PADI3: variants seen among roughly 807,000 people sequenced by gnomAD.
PADI3 encodes protein-arginine deiminase type-3.
Under a neutral mutation model 71.5 loss-of-function variants are expected in PADI3, and 53 were observed. That is an observed-to-expected ratio of 0.74 (90% CI 0.59 to 0.93). The LOEUF is 0.93. Ranked by LOEUF, PADI3 falls within the 40% of genes least tolerant of loss-of-function variation. The probability of loss-of-function intolerance (pLI) is 0.00; values close to 1 mark genes in which losing one functional copy is unlikely to be tolerated. For synonymous variants in PADI3, 361 were observed against 347.5 expected, an observed-to-expected ratio of 1.04 and a Z score of -0.43; for missense variants, 821 against 868.0, an observed-to-expected ratio of 0.95 and a Z score of 0.68.
At position 17,249,160 on chromosome 1, in the gene PADI3, G is replaced by T. The variant is rs201208027; in HGVS notation, c.23G>T (p.Arg8Leu). MSLQRIV[R>L]VSLEHPTSAV... ...AGCATGTCGCTGCAGAGAATCGTGC[G>T]TGTGTCCCTGGAGCATCCCACCAGC... Residue 8 changes from arginine to leucine, a missense_variant, in exon 1 of 16, where the codon CGT becomes CTT. Arg to Leu is a moderately radical substitution (Grantham distance 102). Transcript: ENST00000375460. 3.1e-6 allele frequency: 5 copies of T among 1,614,144 alleles called. No individual in the cohort carries two copies. In the East Asian group the frequency reaches 1.1e-4, roughly 36 times the overall value.
At chr1:17,271,836 C>CAAAAAAAAAAAAAAAA (rs71571852) in intron 9 of PADI3, among the ~76,000 whole-genome samples, 1 of 79,432 alleles carries the variant, frequency 1.3e-5, no homozygotes, top group Non-Finnish European at 2.3e-5. Context: ...GCAACAACAA[C>CAAAAAAAAAAAAAAAA]AAAAAAAAAA....
At chr1:17,262,381 AC>A (rs1318985189) in intron 3 of PADI3, among the ~76,000 whole-genome samples, 176 bp downstream of exon 3, 1 of 152,188 alleles carries the variant, frequency 6.6e-6, no homozygotes, top group Non-Finnish European at 1.5e-5. Context: ...GCACATACAT[AC>A]CTGTATATCC....
Position 17,273,507 on chromosome 1 carries a change from C to T in PADI3, c.1155+60C>T, listed in dbSNP as rs2073285307. On this transcript the variant is annotated intron_variant, in intron 10 of 15. Transcript: ENST00000375460. ...CTGAGAGGCCTTACCCCAGGGGCCA[C>T]ACCGGGGTGTGGGGTACAGAGGGCA... The T allele has an allele frequency of 3.3e-5, 37 of 1,135,220 alleles. No individual in the cohort carries two copies. In the South Asian group the frequency reaches 4.7e-4, roughly 15 times the overall value. 70.3% of individuals were successfully genotyped at this position (1,135,220 alleles called of 1,614,324 possible).
chr1:17,270,815 A>C lies in PADI3; in HGVS notation c.832-64A>C, dbSNP rs1365311505. On this transcript the variant is annotated intron_variant, in intron 7 of 15. Coordinates refer to ENST00000375460, the MANE Select transcript of PADI3 (RefSeq NM_016233.2). ...TCTTATGGACCACAGTGGTGGAATC[A>C]GAGTCCCCCCAGGCCTCTGGACTCC... 9 of 1,142,322 alleles carry C rather than the reference A, an allele frequency of 7.9e-6. No homozygotes were observed. In the South Asian group the frequency reaches 8.7e-5, roughly 11 times the overall value. The allele number at this position is 1,142,322 out of a possible 1,614,324, so 70.8% of individuals were successfully genotyped here. A position where few individuals can be genotyped will look rare whatever the true frequency, so the allele number is the denominator to read the frequency against.
chr1:17,272,787 C>T lies in PADI3; in HGVS notation c.1048-553C>T, dbSNP rs137969234. ...TGCTGGGATTATAGGTGTGAGCCAC[C>T]GTGCCCGGACTGGATAAATAATTAG... On this transcript the variant is annotated intron_variant, in intron 9 of 15. Transcript: ENST00000375460. Among the ~76,000 whole-genome samples, 109 of 152,260 alleles carry T rather than the reference C, an allele frequency of 7.2e-4. 1 individual carries two copies. Among genetic ancestry groups the T allele is most frequent in the African/African-American group, 2.4e-3 (99 of 41,552 alleles).
chr1:17,264,208 G>A (rs2073135624), intron 3 of PADI3, among the ~76,000 whole-genome samples: 1 of 152,170 alleles, frequency 6.6e-6, no homozygotes, highest in East Asian at 1.9e-4. Context: ...TCTTTAGTTA[G>A]GAGTGAGGTT....
chr1:17,272,074 A>G (rs140904342), intron 9 of PADI3, among the ~76,000 whole-genome samples: 16 of 152,194 alleles, frequency 1.1e-4, no homozygotes, highest in Admixed American at 5.9e-4. Context: ...GCATCATTTC[A>G]TCTTCTTGAT....
intron 3 of PADI3, among the ~76,000 whole-genome samples, chr1:17,263,345 CT>C (rs903055738): frequency 1.1e-4 from 17 of 151,904 alleles, no homozygotes; most frequent in Admixed American, 9.2e-4. Context: ...AATATCAAGA[CT>C]TTTTTTTCAA....
chr1:17,263,524 T>TTAAAAATCTTAAAAATCAA (rs2073127733), intron 3 of PADI3, among the ~76,000 whole-genome samples: 1 of 152,010 alleles, frequency 6.6e-6, no homozygotes, highest in African/African-American at 2.4e-5. Context: ...AATCTTAAGG[T>TTAAAAATCTTAAAAATCAA]GAAAATCAAA....
rs116428514 is a variant in PADI3, at chr1:17,280,600, G to A, written c.1636-71G>A. 1.2e-3 allele frequency: 1,906 copies of A among 1,604,082 alleles called. 26 individuals are homozygous for A. The African/African-American group carries it at 0.023, about 19-fold the overall frequency. ...TTGACCCAGAAGAAGTGAGGGGAGC[G>A]ACAGGATGCCTTGGTGCCCCCAAAA... is the stretch of plus-strand genomic sequence containing the variant. On this transcript the variant is annotated intron_variant, in intron 14 of 15. Transcript: ENST00000375460.
Position 17,276,612 on chromosome 1 carries a change from C to A in PADI3, c.1401C>A (p.Ala467=). The A allele has an allele frequency of 6.2e-7, 1 of 1,614,174 alleles. No individual in the cohort carries two copies. Residue 467 remains alanine, a synonymous_variant, in exon 12 of 16, where the codon GCC becomes GCA. Coordinates refer to ENST00000375460, the MANE Select transcript of PADI3 (RefSeq NM_016233.2). The part of the protein sequence containing the change: ...PPVELFVDWL[A]VGHVDEFLSF... Reference sequence around the variant, plus strand: ...TGGAGCTCTTTGTGGACTGGTTGGCCGTGGGCCATGTGGATGAGTTTCTGA... The same window carrying A: ...TGGAGCTCTTTGTGGACTGGTTGGCAGTGGGCCATGTGGATGAGTTTCTGA...
At chr1:17,270,200 G>A in intron 6 of PADI3, 33 bp from the exon 7 acceptor site, 1 of 1,585,300 alleles carries the variant, frequency 6.3e-7, no homozygotes, top group Non-Finnish European at 8.6e-7. Flanking sequence ...GGGCCCACAG[G>A]GAGTCACAGC....
At chr1:17,274,546 C>G in intron 10 of PADI3, 89 bp from the exon 11 acceptor site, 1 of 1,226,040 alleles carries the variant, frequency 8.2e-7, no homozygotes, top group Admixed American at 2.2e-5. Context: ...CCTTTCCCAC[C>G]CTGTCTTGAA....
intron 1 of PADI3, among the ~76,000 whole-genome samples, chr1:17,257,497 G>A (rs1212628568): frequency 6.6e-6 from 1 of 152,222 alleles, no homozygotes; most frequent in African/African-American, 2.4e-5. Context: ...AAGTCCAACT[G>A]AGCTTTCTGT....
Position 17,282,888 on chromosome 1 carries a change from C to A in PADI3, c.1804C>A (p.Pro602Thr). 6.2e-7 allele frequency: 1 copy of A among 1,613,944 alleles called. No individual in the cohort carries two copies. The highest frequency in any genetic ancestry group is 8.5e-7 in the Non-Finnish European group (1 of 1,179,926). The change falls in exon 16 of 16, where the codon CCC becomes ACC. Residue 602 changes from proline (P) to threonine (T), a missense_variant. Transcript: ENST00000375460. ...VLGKHLGIPKPFGPIINGCCC... is the reference protein window; with the variant it reads ...VLGKHLGIPKTFGPIINGCCC... The stretch of plus-strand genomic sequence containing the variant: ...GGGGAAGCACCTGGGCATCCCCAAG[C>A]CCTTTGGGCCCATCATCAATGGCTG...
chr1:17,282,857 G>A lies in PADI3; in HGVS notation c.1773G>A (p.Leu591=). The A allele has an allele frequency of 1.9e-6, 3 of 1,611,182 alleles. No individual in the cohort carries two copies. Among genetic ancestry groups the A allele is most frequent in the Middle Eastern group, 1.7e-4 (1 of 5,982 alleles). The change falls in exon 16 of 16, where the codon CTG becomes CTA. Residue 591 remains leucine, a synonymous_variant. Coordinates refer to ENST00000375460, the MANE Select transcript of PADI3 (RefSeq NM_016233.2). ...TAFFPDLVNM[L]VLGKHLGIPK... is the part of the protein sequence containing the mutation. Reference sequence around the variant, plus strand: ...CCTTTGGACTGCAGGTGAACATGCTGGTGCTGGGGAAGCACCTGGGCATCC... The same window carrying A: ...CCTTTGGACTGCAGGTGAACATGCTAGTGCTGGGGAAGCACCTGGGCATCC...
chr1:17,270,087 C>T, intron 6 of PADI3, 146 bp from the exon 7 acceptor site: 1 of 910,486 alleles, frequency 1.1e-6, no homozygotes, highest in Non-Finnish European at 1.7e-6. Flanking sequence ...ATTACCTGTC[C>T]TCTCCTTTGC....
intron 1 of PADI3, among the ~76,000 whole-genome samples, chr1:17,258,357 G>T (rs947651188): frequency 6.6e-6 from 1 of 152,262 alleles, no homozygotes; most frequent in Non-Finnish European, 1.5e-5. Flanking sequence ...GGGGAGAGCA[G>T]TGGGTGGATC....
At chr1:17,266,869 C>T in intron 5 of PADI3, 33 bp downstream of exon 5, 1 of 1,507,210 alleles carries the variant, frequency 6.6e-7, no homozygotes, top group African/African-American at 1.4e-5. Context: ...CCCTGGGTGT[C>T]CAGGGTCACT....
Sources: allele counts gnomAD v4.1 joint callset (sites outside exome capture counted in the v4.1 genomes callset), GRCh38; gene constraint gnomAD v4.1.1; transcripts MANE v1.5; gene names NCBI Gene and HGNC (gene_info 2026-07-23, HGNC 2026-07-21).